The following CNTN4 variants were observed in gnomAD, a reference collection of about 807,000 sequenced individuals.
CNTN4 encodes the protein contactin 4.
Under a neutral mutation model 122.5 loss-of-function variants are expected in CNTN4, and 77 were observed. The observed-to-expected ratio is 0.63, with a 90% CI of 0.52 to 0.76. The LOEUF is 0.76. Among genes scored for constraint, CNTN4 ranks in the 30% least tolerant of loss-of-function variants. CNTN4 has a pLI of 0.00. For synonymous variants in CNTN4, 512 were observed against 447.0 expected, an observed-to-expected ratio of 1.15 and a Z score of -1.83; for missense variants, 1,256 against 1,259.1, an observed-to-expected ratio of 1.00 and a Z score of 0.04.
At chr3:2,444,552 A>C (rs942543988) in intron 3 of CNTN4, among the ~76,000 whole-genome samples, 1 of 152,218 alleles carries the variant, frequency 6.6e-6, no homozygotes, top group Non-Finnish European at 1.5e-5. Context: ...GCGAGTGTAG[A>C]GGCTGACAGG....
At chr3:2,659,460 CAAAAAAAAAAAA>C (rs59025670) in intron 4 of CNTN4, among the ~76,000 whole-genome samples, 23 of 53,984 alleles carry the variant, frequency 4.3e-4, no homozygotes, top group African/African-American at 1.5e-3. Flanking sequence ...GACTCCATCT[CAAAAAAAAAAAA>C]AAAAAAAAAA....
intron 7 of CNTN4, among the ~76,000 whole-genome samples, chr3:2,849,990 TTTTTC>T (rs1199896945): frequency 1.3e-5 from 2 of 151,332 alleles, no homozygotes; most frequent in Admixed American, 6.6e-5. Flanking sequence ...CAATCACTTT[TTTTTC>T]TTTTTTTTTT....
chr3:2,925,356 C>A (rs1340218776), intron 12 of CNTN4, among the ~76,000 whole-genome samples: 2 of 152,046 alleles, frequency 1.3e-5, no homozygotes, highest in Non-Finnish European at 2.9e-5. Context: ...GAGCTCGAGA[C>A]CATCCTGGCC....
chr3:2,812,404 A>AC (rs11458485), intron 6 of CNTN4, among the ~76,000 whole-genome samples: 65,426 of 152,014 alleles, frequency 0.43, 14,818 homozygotes, highest in African/African-American at 0.56. Flanking sequence ...TCCAGGGTAT[A>AC]GTGCGTATAT....
intron 3 of CNTN4, among the ~76,000 whole-genome samples, chr3:2,478,193 G>T (rs1370053897): frequency 6.6e-6 from 1 of 152,084 alleles, no homozygotes; most frequent in Non-Finnish European, 1.5e-5. Context: ...AGTCAGAAAA[G>T]TACATTTTTG....
chr3:2,190,858 A>T (rs2037504949), intron 2 of CNTN4, among the ~76,000 whole-genome samples: 1 of 151,322 alleles, frequency 6.6e-6, no homozygotes, highest in Admixed American at 6.6e-5. Flanking sequence ...ATAAATATAT[A>T]TCTCGTACAC....
At position 2,807,145 on chromosome 3, in the gene CNTN4, G is replaced by C. The variant is rs1000427656; in HGVS notation, c.359-12341G>C. Reference sequence around the variant, plus strand: ...CGATAGTAGGCATACTGTAGGTACTGAATGAATCTTCGTTGGTTCTTAACT... The same window carrying C: ...CGATAGTAGGCATACTGTAGGTACTCAATGAATCTTCGTTGGTTCTTAACT... On this transcript the variant is annotated intron_variant, in intron 6 of 24. Transcript: ENST00000418658. Among the ~76,000 whole-genome samples the C allele has an allele frequency of 2.0e-5, 3 of 152,190 alleles. No individual in the cohort carries two copies. In the East Asian group the frequency reaches 5.8e-4, roughly 29 times the overall value.
At chr3:2,301,968 C>T (rs2042542053) in intron 2 of CNTN4, among the ~76,000 whole-genome samples, 1 of 152,190 alleles carries the variant, frequency 6.6e-6, no homozygotes. Flanking sequence ...ACAATTGGAG[C>T]CACTAGTTAT....
chr3:2,497,899 A>G (rs1433370934), intron 3 of CNTN4, among the ~76,000 whole-genome samples: 1 of 152,062 alleles, frequency 6.6e-6, no homozygotes, highest in African/African-American at 2.4e-5. Context: ...TAGACCATAA[A>G]TATGAGTTGA....
At chr3:2,360,531 A>G (rs1283153836) in intron 3 of CNTN4, among the ~76,000 whole-genome samples, 1 of 152,210 alleles carries the variant, frequency 6.6e-6, no homozygotes. Flanking sequence ...TCATGCTGCT[A>G]TAAAGAACTT....
intron 3 of CNTN4, among the ~76,000 whole-genome samples, chr3:2,399,823 A>G (rs1177050481): frequency 6.6e-6 from 1 of 152,122 alleles, no homozygotes; most frequent in South Asian, 2.1e-4. Flanking sequence ...GTATATTTAT[A>G]TCAATGAAGA....
rs1701858926 is a variant in CNTN4 at position 3,057,244 on chromosome 3, T to C, written c.*1024T>C. ...GTAATAATAGAGCCCTTCTTTTGAA[T>C]CAAAATTACATATGGACTTTGGAAG... is the stretch of plus-strand genomic sequence containing the variant. On this transcript the variant is annotated 3_prime_UTR_variant, in exon 25 of 25. Transcript: ENST00000418658. 1 of 152,650 alleles carries C rather than the reference T, an allele frequency of 6.6e-6. No homozygotes were observed. The highest frequency in any genetic ancestry group is 1.5e-5 in the Non-Finnish European group (1 of 68,042). The allele number at this position is 152,650 out of a possible 1,614,324, so 9.5% of individuals were successfully genotyped here. A position where few individuals can be genotyped will look rare whatever the true frequency, so the allele number is the denominator to read the frequency against.
intron 3 of CNTN4, among the ~76,000 whole-genome samples, chr3:2,551,377 C>G (rs2078498712): frequency 6.6e-6 from 1 of 151,730 alleles, no homozygotes. Flanking sequence ...CATGTGTGTA[C>G]TTGAGTGTAT....
At chr3:3,013,980 T>C (rs1314733209) in intron 14 of CNTN4, among the ~76,000 whole-genome samples, 1 of 151,876 alleles carries the variant, frequency 6.6e-6, no homozygotes, top group South Asian at 2.1e-4. Context: ...TTCTAATGGA[T>C]AATCTAGGAA....
intron 2 of CNTN4, among the ~76,000 whole-genome samples, chr3:2,236,845 G>T (rs1453791724): frequency 6.6e-6 from 1 of 152,180 alleles, no homozygotes; most frequent in African/African-American, 2.4e-5. Flanking sequence ...GAGATAGCAA[G>T]GGAGATCACA....
At chr3:2,474,438 AAGCC>A (rs1559586487) in intron 3 of CNTN4, among the ~76,000 whole-genome samples, 2 of 152,202 alleles carry the variant, frequency 1.3e-5, no homozygotes, top group Admixed American at 6.5e-5. Flanking sequence ...ATATGAACTT[AAGCC>A]TTTTAAAACA....
intron 4 of CNTN4, among the ~76,000 whole-genome samples, chr3:2,625,934 G>A (rs747398016): frequency 3.3e-5 from 5 of 152,058 alleles, no homozygotes; most frequent in Non-Finnish European, 7.4e-5. Flanking sequence ...AATTGTTCCT[G>A]TTCTTTCACA....
chr3:2,910,217 A>C (rs1362818740), intron 12 of CNTN4, among the ~76,000 whole-genome samples: 2 of 152,220 alleles, frequency 1.3e-5, no homozygotes, highest in Non-Finnish European at 2.9e-5. Context: ...GATAAATATT[A>C]TGATAAATAT....
chr3:2,824,010 G>C lies in CNTN4; in HGVS notation c.454+4429G>C, dbSNP rs2092932012. Among the ~76,000 whole-genome samples, 4 of 152,270 alleles carry C rather than the reference G, an allele frequency of 2.6e-5. No homozygotes were observed. The South Asian group carries it at 8.3e-4, about 32-fold the overall frequency. On this transcript the variant is annotated intron_variant, in intron 7 of 24. Coordinates refer to ENST00000418658, the MANE Select transcript of CNTN4 (RefSeq NM_175607.3). ...GAAGTGTGAGATGCCCTGAGTCATA[G>C]CTGTGGTTCCCACGCACACCCCACC...
Sources: gnomAD v4.1 joint callset for allele counts (sites outside exome capture counted in the v4.1 genomes callset) on GRCh38, gnomAD v4.1.1 for gene constraint, MANE v1.5 for transcripts, NCBI Gene and HGNC (gene_info 2026-07-23, HGNC 2026-07-21) for gene names.